The following BICD1 variants were observed in gnomAD, a reference collection of about 807,000 sequenced individuals.
BICD1 encodes the protein BICD cargo adaptor 1.
Under a neutral mutation model 92.5 loss-of-function variants are expected in BICD1, and 35 were observed. The observed-to-expected ratio is 0.38, with a 90% confidence interval of 0.29 to 0.50. BICD1 has a LOEUF of 0.50. Among genes scored for constraint, BICD1 ranks in the 20% least tolerant of loss-of-function variants. BICD1 has a pLI of 0.93. For synonymous variants in BICD1, 429 were observed against 465.1 expected, an observed-to-expected ratio of 0.92 and a Z score of 1.00; for missense variants, 950 against 1,189.8, an observed-to-expected ratio of 0.80 and a Z score of 2.97.
chr12:32,339,907 T>C (rs80353117), intron 8 of BICD1: 71,398 of 891,926 alleles, frequency 0.08, 3,198 homozygotes, highest in South Asian at 0.12. Context: ...CTGGCAGCCC[T>C]AGGTCTGCGT....
intron 5 of BICD1, among the ~76,000 whole-genome samples, chr12:32,332,092 A>G (rs1937901539): frequency 1.3e-5 from 2 of 152,174 alleles, no homozygotes; most frequent in Admixed American, 1.3e-4. Context: ...GGAGCTGGAG[A>G]CCATTATCCT....
At chr12:32,323,362 C>T (rs1040715461) in intron 4 of BICD1, among the ~76,000 whole-genome samples, 1 of 152,204 alleles carries the variant, frequency 6.6e-6, no homozygotes, top group African/African-American at 2.4e-5. Context: ...CAATTGTTCA[C>T]AATAGCTAAC....
intron 8 of BICD1, among the ~76,000 whole-genome samples, chr12:32,358,737 GA>G (rs138441424): frequency 0.024 from 3,568 of 151,580 alleles, 135 homozygotes; most frequent in African/African-American, 0.081. Flanking sequence ...CTCCACCTCA[GA>G]AAAAAAAGTA....
intron 4 of BICD1, among the ~76,000 whole-genome samples, chr12:32,309,652 C>G: frequency 6.6e-6 from 1 of 152,064 alleles, no homozygotes; most frequent in South Asian, 2.1e-4. Flanking sequence ...AACTTGATTT[C>G]GAGCTTTTTG....
At chr12:32,117,695 T>C (rs1264816252) in intron 1 of BICD1, among the ~76,000 whole-genome samples, 1 of 119,320 alleles carries the variant, frequency 8.4e-6, no homozygotes, top group Non-Finnish European at 1.8e-5. Context: ...TATATATATA[T>C]ATACACAAAT....
At chr12:32,314,758 G>A (rs1431346710) in intron 4 of BICD1, among the ~76,000 whole-genome samples, 1 of 138,304 alleles carries the variant, frequency 7.2e-6, no homozygotes, top group African/African-American at 2.6e-5. Context: ...GATGTACAAA[G>A]GAGTTTTTTT....
chr12:32,178,996 A>G (rs1944197622), intron 1 of BICD1, among the ~76,000 whole-genome samples: 1 of 151,992 alleles, frequency 6.6e-6, no homozygotes, highest in Non-Finnish European at 1.5e-5. Flanking sequence ...CTTGGTTAAA[A>G]CAGCATTGCA....
rs368297071 is a variant in BICD1, at chr12:32,151,700, A to G, written c.213+44156A>G. ...AAATGCCAGTGGTGATAACAGGGACAGCAGAAGGAAGAGGAGCAGGGACTG... is the reference window on the plus strand; with the variant it reads ...AAATGCCAGTGGTGATAACAGGGACGGCAGAAGGAAGAGGAGCAGGGACTG... On this transcript the variant is annotated intron_variant, in intron 1 of 9. Coordinates refer to ENST00000652176, the MANE Select transcript of BICD1 (RefSeq NM_001714.4). Among the ~76,000 whole-genome samples the G allele has an allele frequency of 1.2e-4, 18 of 152,220 alleles. 1 individual carries two copies. Among genetic ancestry groups the G allele is most frequent in the East Asian group, 7.7e-4 (4 of 5,188 alleles).
intron 8 of BICD1, among the ~76,000 whole-genome samples, chr12:32,346,582 AC>A (rs1938606878): frequency 9.9e-4 from 7 of 7,096 alleles, no homozygotes; most frequent in African/African-American, 1.5e-3. Context: ...ATATATATAT[AC>A]GTGTATATAT....
At chr12:32,344,794 C>G (rs977129802) in intron 8 of BICD1, among the ~76,000 whole-genome samples, 1 of 152,162 alleles carries the variant, frequency 6.6e-6, no homozygotes, top group East Asian at 1.9e-4. Context: ...TATGTGTATT[C>G]CACTTCCCCA....
chr12:32,214,737 T>C (rs1379483162), intron 1 of BICD1, among the ~76,000 whole-genome samples: 3 of 152,174 alleles, frequency 2.0e-5, no homozygotes, highest in Admixed American at 2.0e-4. Context: ...ATAATAAAAG[T>C]ACTGGTTTCC....
intron 2 of BICD1, among the ~76,000 whole-genome samples, chr12:32,252,062 T>C (rs7975793): frequency 2.0e-3 from 86 of 44,092 alleles, no homozygotes; most frequent in East Asian, 7.8e-3. Flanking sequence ...TATTATATAT[T>C]ATATATTTAT....
chr12:32,108,713 T>C (rs1565518986), intron 1 of BICD1: 3 of 685,622 alleles, frequency 4.4e-6, no homozygotes, highest in Non-Finnish European at 5.3e-6. Context: ...ATGGTAAGCA[T>C]TTATACTTTT....
rs182776132 is a variant in BICD1, at chr12:32,351,343, G to A, written c.2764+12364G>A. ...TCTACTAAAAATACAAAAATTAGCC[G>A]GGCATGGTGGCGCACGCCTGTAATT... On this transcript the variant is annotated intron_variant, in intron 8 of 9. Coordinates refer to ENST00000652176, the MANE Select transcript of BICD1 (RefSeq NM_001714.4). Among the ~76,000 whole-genome samples, 821 of 151,410 alleles carry A rather than the reference G, an allele frequency of 5.4e-3. 1 individual carries two copies. Among genetic ancestry groups the A allele is most frequent in the Non-Finnish European group, 9.5e-3 (647 of 67,812 alleles).
At chr12:32,130,190 A>G (rs886150861) in intron 1 of BICD1, among the ~76,000 whole-genome samples, 1 of 151,154 alleles carries the variant, frequency 6.6e-6, no homozygotes, top group Non-Finnish European at 1.5e-5. Context: ...TTTAAATATG[A>G]TAATATACAG....
rs754669082 is a variant in BICD1 at position 32,328,303 on chromosome 12, T to C, written c.1848T>C (p.Ser616=). ...APPSSPVLDT[S]DIRKEPMNIY... is the part of the protein sequence containing the mutation. ...CGTCATCTCCAGTATTGGATACAAG[T>C]GACATCCGCAAAGAGCCAATGAATA... is the stretch of plus-strand genomic sequence containing the variant. The change falls in exon 5 of 10, where the codon AGT becomes AGC. Residue 616 remains serine (S), a synonymous_variant. Transcript: ENST00000652176. The surrounding 1 kb of genome is among the most constrained non-coding windows in gnomAD (Gnocchi z 4.4). The C allele has an allele frequency of 1.2e-6, 2 of 1,614,222 alleles. No individual in the cohort carries two copies. Among genetic ancestry groups the C allele is most frequent in the Admixed American group, 1.7e-5 (1 of 60,022 alleles).
intron 2 of BICD1, among the ~76,000 whole-genome samples, chr12:32,225,417 C>T (rs1428163210): frequency 3.3e-5 from 5 of 152,098 alleles, no homozygotes; most frequent in Admixed American, 3.3e-4. Flanking sequence ...CTTCTATAAG[C>T]ATTCATGTAC....
chr12:32,225,621 G>GTTTTTGTTTTTTTTTTTTTTTTT (rs1411722126), intron 2 of BICD1, among the ~76,000 whole-genome samples: 5 of 92,784 alleles, frequency 5.4e-5, no homozygotes, highest in African/African-American at 7.3e-5. Context: ...CTTTTTTTCT[G>GTTTTTGTTTTTTTTTTTTTTTTT]TTTTTTTTTT....
chr12:32,314,371 A>G (rs1686381531), intron 4 of BICD1, among the ~76,000 whole-genome samples: 1 of 2,756 alleles, frequency 3.6e-4, no homozygotes, highest in Admixed American at 0.01. Context: ...AATCGAGTGT[A>G]CCATTTTTTT....
Sources: gnomAD v4.1 joint callset for allele counts (sites outside exome capture counted in the v4.1 genomes callset) on GRCh38, gnomAD v4.1.1 for gene constraint, Gnocchi (gnomAD v3.1) non-coding constraint, MANE v1.5 for transcripts, NCBI Gene and HGNC (gene_info 2026-07-23, HGNC 2026-07-21) for gene names.